MGAM2: variants seen among roughly 807,000 people sequenced by gnomAD.
The protein encoded by MGAM2 is maltase-glucoamylase 2 (putative).
In MGAM2, 98 loss-of-function variants were observed where a neutral mutation model predicts 96.1. The ratio of observed to expected loss-of-function variants is 1.02; its 90% CI spans 0.87 to 1.21. The LOEUF is 1.21. MGAM2 is among the 50% of genes most tolerant of loss of function. The pLI, the probability that MGAM2 is intolerant of heterozygous loss-of-function variation, is 0.00. For synonymous variants in MGAM2, 749 were observed against 414.8 expected, an observed-to-expected ratio of 1.81 and a Z score of -9.79; for missense variants, 2,055 against 1,182.4, an observed-to-expected ratio of 1.74 and a Z score of -10.82.
At chr7:142,212,716 G>C (rs1797624849) in intron 46 of MGAM2, among the ~76,000 whole-genome samples, 1 of 152,236 alleles carries the variant, frequency 6.6e-6, no homozygotes, top group East Asian at 1.9e-4. Flanking sequence ...AAGAGACTTA[G>C]ACTCCCACAC....
At chr7:142,186,610 G>A (rs1178188699) in intron 35 of MGAM2, among the ~76,000 whole-genome samples, 1 of 152,216 alleles carries the variant, frequency 6.6e-6, no homozygotes, top group Non-Finnish European at 1.5e-5. Context: ...TTAAAAGCAG[G>A]ACTTCCTGAG....
At chr7:142,143,989 C>T in intron 13 of MGAM2, 107 bp downstream of exon 13, 1 of 639,682 alleles carries the variant, frequency 1.6e-6, no homozygotes, top group South Asian at 1.8e-5. Flanking sequence ...AAATAGTTTG[C>T]TTTATGTAGT....
At chr7:142,203,209 C>A (rs1797291967) in intron 45 of MGAM2, among the ~76,000 whole-genome samples, 1 of 152,068 alleles carries the variant, frequency 6.6e-6, no homozygotes, top group South Asian at 2.1e-4. Context: ...CTTGTGAATA[C>A]TTTCTCCTAC....
At chr7:142,134,508 T>C (rs879807395) in intron 7 of MGAM2, among the ~76,000 whole-genome samples, 6 of 152,158 alleles carry the variant, frequency 3.9e-5, no homozygotes, top group Admixed American at 3.9e-4. Context: ...CCAAGCTCAG[T>C]AGAACTTGGT....
chr7:142,124,188 G>C (rs1031253242), intron 3 of MGAM2, among the ~76,000 whole-genome samples: 7 of 151,888 alleles, frequency 4.6e-5, no homozygotes, highest in African/African-American at 1.7e-4. Flanking sequence ...TTGTCAGGCT[G>C]TTCTCGAACT....
At chr7:142,171,517 TA>T in intron 28 of MGAM2, 77 bp downstream of exon 28, 1 of 636,030 alleles carries the variant, frequency 1.6e-6, no homozygotes, top group Non-Finnish European at 2.9e-6. Context: ...TTATATATGA[TA>T]CCTTGCTCAT....
intron 14 of MGAM2, among the ~76,000 whole-genome samples, chr7:142,145,169 C>T (rs1384704403): frequency 2.6e-5 from 4 of 152,116 alleles, no homozygotes; most frequent in African/African-American, 9.7e-5. Context: ...AGCCTGCCTA[C>T]CTCCCCTGGC....
chr7:142,166,576 G>A (rs924523783), intron 25 of MGAM2, among the ~76,000 whole-genome samples: 3 of 152,170 alleles, frequency 2.0e-5, no homozygotes, highest in African/African-American at 7.2e-5. Context: ...GGTAAGGTCA[G>A]GCTGTTCCTG....
chr7:142,143,639 TG>T (rs2129081462), intron 12 of MGAM2, 129 bp from the exon 13 acceptor site: 1 of 452,760 alleles, frequency 2.2e-6, no homozygotes, highest in Non-Finnish European at 3.9e-6. Context: ...GTTTAGTTTT[TG>T]TTGGGGTAGT....
At chr7:142,121,018 A>G (rs1233674310) in intron 3 of MGAM2, among the ~76,000 whole-genome samples, 1 of 152,186 alleles carries the variant, frequency 6.6e-6, no homozygotes, top group East Asian at 1.9e-4. Flanking sequence ...TCTTGGCCCC[A>G]TATTCTAAAT....
intron 3 of MGAM2, among the ~76,000 whole-genome samples, chr7:142,125,774 C>T (rs1397615991): frequency 2.6e-5 from 4 of 152,112 alleles, no homozygotes; most frequent in East Asian, 1.9e-4. Flanking sequence ...GTCAGCACTA[C>T]GCCTTTTTCA....
rs73547304 is a variant in MGAM2, at chr7:142,167,406, G to T, written c.2947G>T (p.Ala983Ser). ...GGCCCCTGAGTCAGCTGCTGCTGCCGCCTCTGATTCTCTCTCTGCAAAGAT... is the reference window on the plus strand; with the variant it reads ...GGCCCCTGAGTCAGCTGCTGCTGCCTCCTCTGATTCTCTCTCTGCAAAGAT... ...PMAPESAAAA[A>S]SDSLSAKISF... Residue 983 changes from alanine (A) to serine (S), a missense_variant, in exon 26 of 48, where the codon GCC becomes TCC. Ala to Ser is a moderately conservative substitution (Grantham distance 99). Transcript: ENST00000477922. 2.8e-6 allele frequency: 2 copies of T among 702,762 alleles called. No individual in the cohort carries two copies. The highest frequency in any genetic ancestry group is 1.7e-5 in the African/African-American group (1 of 57,180). The allele number at this position is 702,762 out of a possible 1,614,324, so 43.5% of individuals were successfully genotyped here.
Position 142,188,999 on chromosome 7 carries a change from A to G in MGAM2, c.4208-368A>G, listed in dbSNP as rs149645239. On this transcript the variant is annotated intron_variant, in intron 36 of 47. Coordinates refer to ENST00000477922, the MANE Select transcript of MGAM2 (RefSeq NM_001293626.2). ...GCTGTCAAATCAGAAAGATTTAGAGACACAAATACAAAAATGATTGAAATA... is the reference window on the plus strand; with the variant it reads ...GCTGTCAAATCAGAAAGATTTAGAGGCACAAATACAAAAATGATTGAAATA... Among the ~76,000 whole-genome samples, 26 of 152,354 alleles carry G rather than the reference A, an allele frequency of 1.7e-4. 1 individual carries two copies. Among genetic ancestry groups the G allele is most frequent in the African/African-American group, 6.3e-4 (26 of 41,584 alleles).
chr7:142,139,232 C>T (rs1229386112), intron 10 of MGAM2, among the ~76,000 whole-genome samples: 1 of 152,114 alleles, frequency 6.6e-6, no homozygotes, highest in Admixed American at 6.6e-5. Context: ...TCAATGTCCA[C>T]CAGTAAGTCA....
chr7:142,207,439 T>C (rs1797440971), intron 45 of MGAM2, among the ~76,000 whole-genome samples: 1 of 152,142 alleles, frequency 6.6e-6, no homozygotes, highest in Non-Finnish European at 1.5e-5. Flanking sequence ...TTTATTTATT[T>C]TTTTGAGACG....
intron 44 of MGAM2, among the ~76,000 whole-genome samples, chr7:142,199,372 A>G (rs1797147687): frequency 6.6e-6 from 1 of 152,328 alleles, no homozygotes; most frequent in Admixed American, 6.5e-5. Flanking sequence ...TTGAATGTAC[A>G]AAGGGGAAAG....
chr7:142,173,156 T>G, intron 30 of MGAM2, 73 bp from the exon 31 acceptor site: 1 of 688,074 alleles, frequency 1.5e-6, no homozygotes, highest in Admixed American at 2.0e-5. Context: ...ACACTCAAGT[T>G]GATTCAAGTA....
At chr7:142,156,099 C>T (rs1448170746) in intron 17 of MGAM2, among the ~76,000 whole-genome samples, 2 of 151,610 alleles carry the variant, frequency 1.3e-5, no homozygotes, top group African/African-American at 2.4e-5. Flanking sequence ...GTGCTGGGAT[C>T]GCGCCATTGC....
intron 14 of MGAM2, 42 bp downstream of exon 14, chr7:142,144,987 G>A (rs1464265627): frequency 1.4e-6 from 1 of 700,630 alleles, no homozygotes; most frequent in Non-Finnish European, 2.6e-6. Flanking sequence ...AATAAGCCAT[G>A]TTTAAAACAC....
Sources: gnomAD v4.1 joint callset for allele counts (sites outside exome capture counted in the v4.1 genomes callset) on GRCh38, gnomAD v4.1.1 for gene constraint, MANE v1.5 for transcripts, NCBI Gene and HGNC (gene_info 2026-07-23, HGNC 2026-07-21) for gene names.